CHAF1A: variants seen among roughly 807,000 people sequenced by gnomAD.
The protein encoded by CHAF1A is chromatin assembly factor 1 subunit A, also known as CAF-1 subunit A.
In CHAF1A, 5 loss-of-function variants were observed where a neutral mutation model predicts 93.2. That is an observed-to-expected ratio of 0.05 (90% CI 0.03 to 0.11). The LOEUF (loss-of-function observed/expected upper bound fraction) is 0.11, where lower values mean the gene tolerates loss of function less well. Ranked by LOEUF, CHAF1A falls within the 10% of genes least tolerant of loss-of-function variation. CHAF1A has a pLI of 1.00. For missense variants in CHAF1A, 1,102 were observed against 1,259.9 expected (o/e 0.87, Z 1.90); for synonymous variants, 504 against 510.3 (o/e 0.99, Z 0.17).
intron 2 of CHAF1A, among the ~76,000 whole-genome samples, chr19:4,407,483 A>G (rs1193407510): frequency 6.6e-6 from 1 of 151,840 alleles, no homozygotes; most frequent in Non-Finnish European, 1.5e-5. Flanking sequence ...AACCCTGTCC[A>G]CAAATGTGTC....
chr19:4,445,662 C>T (rs201011300), downstream of CHAF1A: 48 of 1,591,066 alleles, frequency 3.0e-5, no homozygotes, highest in Non-Finnish European at 3.3e-5. Flanking sequence ...GACCGAGAGT[C>T]GGCCCTTGCC....
intron 11 of CHAF1A, 89 bp from the exon 12 acceptor site, chr19:4,431,863 C>A: frequency 1.3e-6 from 2 of 1,509,436 alleles, no homozygotes; most frequent in Non-Finnish European, 1.8e-6. Context: ...CTCTTGCTCC[C>A]CAGCTGGCTG....
intron 3 of CHAF1A, among the ~76,000 whole-genome samples, chr19:4,411,830 A>G (rs1973810739): frequency 2.0e-5 from 3 of 151,416 alleles, no homozygotes; most frequent in Admixed American, 1.3e-4. Flanking sequence ...GTATCTTTTC[A>G]GTAGAGACGG....
intron 7 of CHAF1A, among the ~76,000 whole-genome samples, chr19:4,424,079 C>G (rs1003435040): frequency 6.6e-6 from 1 of 152,184 alleles, no homozygotes; most frequent in Non-Finnish European, 1.5e-5. Flanking sequence ...AGTGGCATGT[C>G]TGATTAAACA....
In CHAF1A at chr19:4,422,942, G is replaced by C; in HGVS notation, c.1247+147G>C. 1 of 795,162 alleles carries C rather than the reference G, an allele frequency of 1.3e-6. No individual in the cohort carries two copies. The allele number at this position is 795,162 out of a possible 1,614,324, so 49.3% of individuals were successfully genotyped here. ...TTCTCCTTCGTGAGGTGCCCGTGGG[G>C]CCCTGACGTGGGAGCGGTGGAAAGC... On this transcript the variant is annotated intron_variant, in intron 5 of 14. Transcript: ENST00000301280. This position sits in a 1 kb window ranked among gnomAD's most constrained non-coding sequence, Gnocchi z 4.6.
Position 4,402,833 on chromosome 19 carries a change from C to A in CHAF1A, c.52+19C>A. 1.7e-6 allele frequency: 2 copies of A among 1,197,284 alleles called. No homozygotes were observed. Among genetic ancestry groups the A allele is most frequent in the Non-Finnish European group, 2.1e-6 (2 of 964,460 alleles). The allele number at this position is 1,197,284 out of a possible 1,614,324, so 74.2% of individuals were successfully genotyped here. A position where few individuals can be genotyped will look rare whatever the true frequency, so the allele number is the denominator to read the frequency against. The stretch of plus-strand genomic sequence containing the variant: ...GCCACAGGTCGGTTCGGGCCCGCGC[C>A]GAGGGGAAGGGGGGGCGCGGCGCGC... On this transcript the variant is annotated intron_variant, in intron 1 of 14. Transcript: ENST00000301280.
intron 3 of CHAF1A, among the ~76,000 whole-genome samples, chr19:4,412,925 C>A (rs745642531): frequency 7.0e-4 from 107 of 152,218 alleles, no homozygotes; most frequent in Non-Finnish European, 8.1e-4. Flanking sequence ...ATCGGGAGGC[C>A]TCCTCATGCC....
At chr19:4,405,585 G>A (rs1476798882) in intron 1 of CHAF1A, among the ~76,000 whole-genome samples, 1 of 150,912 alleles carries the variant, frequency 6.6e-6, no homozygotes, top group Admixed American at 6.6e-5. Flanking sequence ...TCCAGCCTGG[G>A]CGACAGAGTG....
chr19:4,402,939 C>T, intron 1 of CHAF1A, 125 bp downstream of exon 1: 3 of 468,846 alleles, frequency 6.4e-6, no homozygotes, highest in Non-Finnish European at 9.8e-6. Flanking sequence ...GGGCGTTCAC[C>T]CCCTGGGGCC....
chr19:4,433,053 A>G lies in CHAF1A; in HGVS notation c.2204-17A>G, dbSNP rs748879918. 11 of 1,529,578 alleles carry G rather than the reference A, an allele frequency of 7.2e-6. No homozygotes were observed. Among genetic ancestry groups the G allele is most frequent in the African/African-American group, 2.7e-5 (2 of 73,132 alleles). The allele number at this position is 1,529,578 out of a possible 1,614,324, so 94.8% of individuals were successfully genotyped here. Reference sequence around the variant, plus strand: ...GGCTCCCCAAGCCTCATGCCCACCCATGTTCCCTCCTGCCAGTCCTGGCCC... The same window carrying G: ...GGCTCCCCAAGCCTCATGCCCACCCGTGTTCCCTCCTGCCAGTCCTGGCCC... On this transcript the variant is annotated splice_polypyrimidine_tract_variant and intron_variant, in intron 12 of 14. Coordinates refer to ENST00000301280, the MANE Select transcript of CHAF1A (RefSeq NM_005483.3). The surrounding 1 kb of genome is among the most constrained non-coding windows in gnomAD (Gnocchi z 5.6).
At chr19:4,431,841 C>A in intron 11 of CHAF1A, 111 bp from the exon 12 acceptor site, 1 of 1,415,646 alleles carries the variant, frequency 7.1e-7, no homozygotes, top group Non-Finnish European at 9.6e-7. Context: ...AGTTTTGTGC[C>A]CCTGTCCTTT....
At chr19:4,440,495 T>A (rs1398173588) in intron 13 of CHAF1A, among the ~76,000 whole-genome samples, 1 of 150,344 alleles carries the variant, frequency 6.7e-6, no homozygotes, top group Non-Finnish European at 1.5e-5. Flanking sequence ...TGTAGTCCCA[T>A]CTTCTCAGGA....
At chr19:4,402,841 A>C in intron 1 of CHAF1A, 27 bp downstream of exon 1, 1 of 1,187,792 alleles carries the variant, frequency 8.4e-7, no homozygotes, top group Non-Finnish European at 1.0e-6. Context: ...GCCGAGGGGA[A>C]GGGGGGGCGC....
downstream of CHAF1A, chr19:4,446,062 T>C (rs1974506570): frequency 6.2e-7 from 1 of 1,612,054 alleles, no homozygotes; most frequent in South Asian, 1.1e-5. Flanking sequence ...CCCGCACTCG[T>C]TCAAGGCCAG....
In CHAF1A at chr19:4,430,421, G is replaced by A. The variant is rs187072504; in HGVS notation, c.1855-128G>A. 2.0e-4 allele frequency: 123 copies of A among 612,916 alleles called. No homozygotes were observed. The East Asian group carries it at 3.1e-3, about 16-fold the overall frequency. The allele number at this position is 612,916 out of a possible 1,614,324, so 38.0% of individuals were successfully genotyped here. A position where few individuals can be genotyped will look rare whatever the true frequency, so the allele number is the denominator to read the frequency against. ...TCAAACTCCTGACTTCAGATGATCC[G>A]CCCACCTCAGCCTCCCAAAGTGCTG... On this transcript the variant is annotated intron_variant, in intron 10 of 14. Coordinates refer to ENST00000301280, the MANE Select transcript of CHAF1A (RefSeq NM_005483.3).
intron 1 of CHAF1A, 66 bp downstream of exon 1, chr19:4,402,880 C>T (rs1973609883): frequency 8.9e-6 from 9 of 1,008,964 alleles, no homozygotes; most frequent in Non-Finnish European, 1.0e-5. Context: ...GCCGAGGCGG[C>T]GATGGGAGGC....
At chr19:4,446,779 T>A (rs1480439136), downstream of CHAF1A, 1 of 1,613,254 alleles carries the variant, frequency 6.2e-7, no homozygotes, top group Non-Finnish European at 8.5e-7. Flanking sequence ...AGCCGGGCCC[T>A]CCTGCCCCGA....
intron 13 of CHAF1A, among the ~76,000 whole-genome samples, chr19:4,436,956 G>C (rs1974295014): frequency 6.6e-6 from 1 of 152,200 alleles, no homozygotes; most frequent in Non-Finnish European, 1.5e-5. Context: ...CTAACCACAA[G>C]GAAAGAAGGG....
At chr19:4,446,888 C>T (rs775101855), downstream of CHAF1A, 13 of 1,613,904 alleles carry the variant, frequency 8.1e-6, no homozygotes, top group South Asian at 7.7e-5. Context: ...CCTCAAAAAA[C>T]TCGTGGGTCC....
Sources: gnomAD v4.1 joint callset for allele counts (sites outside exome capture counted in the v4.1 genomes callset) on GRCh38, gnomAD v4.1.1 for gene constraint, Gnocchi (gnomAD v3.1) non-coding constraint, MANE v1.5 for transcripts, NCBI Gene and HGNC (gene_info 2026-07-23, HGNC 2026-07-21) for gene names.